The following PODXL variants were observed in gnomAD, a reference collection of about 807,000 sequenced individuals.
The protein encoded by PODXL is podocalyxin.
In PODXL, 20 loss-of-function variants were observed where a neutral mutation model predicts 48.9. That is an observed-to-expected ratio of 0.41 (90% CI 0.29 to 0.59). The LOEUF (loss-of-function observed/expected upper bound fraction) is 0.59. Ranked by LOEUF, PODXL falls within the 20% of genes least tolerant of loss-of-function variation. PODXL has a pLI of 0.31. For missense variants in PODXL, 606 were observed against 675.1 expected, an observed-to-expected ratio of 0.90 and a Z score of 1.13; for synonymous variants, 295 against 287.4, an observed-to-expected ratio of 1.03 and a Z score of -0.27.
At chr7:131,517,526 A>T (rs2116805848) in intron 1 of PODXL, among the ~76,000 whole-genome samples, 1 of 152,304 alleles carries the variant, frequency 6.6e-6, no homozygotes, top group East Asian at 1.9e-4. Flanking sequence ...TGGCTGCGTT[A>T]ACAAATGACT....
intron 1 of PODXL, among the ~76,000 whole-genome samples, chr7:131,527,113 C>T (rs1290405644): frequency 1.3e-5 from 2 of 152,072 alleles, no homozygotes; most frequent in Admixed American, 1.3e-4. Flanking sequence ...TACAAAAATG[C>T]CCTTAAGAGT....
At chr7:131,523,163 T>C (rs1798115380) in intron 1 of PODXL, among the ~76,000 whole-genome samples, 1 of 152,182 alleles carries the variant, frequency 6.6e-6, no homozygotes, top group African/African-American at 2.4e-5. Context: ...TTTTTGTGAA[T>C]CCAATTTTTC....
rs1248685643 is a variant in PODXL at position 131,505,939 on chromosome 7, C to T, written c.1408G>A (p.Ala470Thr). 3 of 1,603,244 alleles carry T rather than the reference C, an allele frequency of 1.9e-6. No individual in the cohort carries two copies. Among genetic ancestry groups the T allele is most frequent in the Non-Finnish European group, 2.6e-6 (3 of 1,175,540 alleles). The change falls in exon 8 of 9, where the codon GCA becomes ACA. Residue 470 changes from alanine (A) to threonine (T), a missense_variant. Coordinates refer to ENST00000378555, the MANE Select transcript of PODXL (RefSeq NM_001018111.3). Reference protein sequence around the residue: ...MPLIITIVCMASFLLLVAALY... With the variant: ...MPLIITIVCMTSFLLLVAALY... ...GCCGCCACGAGGAGCAGGAATGATG[C>T]CATGCAGACGATGGTGATGATGAGG...
intron 5 of PODXL, among the ~76,000 whole-genome samples, chr7:131,508,535 G>A (rs553083031): frequency 4.6e-5 from 7 of 152,152 alleles, no homozygotes; most frequent in South Asian, 2.1e-4. Context: ...GGGATTACAG[G>A]TGTAAGCCAC....
rs201931348 is a variant in PODXL, at chr7:131,539,340, C to CT, written c.100+16919dup. ...ACATATTTTTTAGAATGTATAAGCTCTTTTTTTTGAGACAGGGTCTTGCCC... is the reference window on the plus strand; with the variant it reads ...ACATATTTTTTAGAATGTATAAGCTCTTTTTTTTTGAGACAGGGTCTTGCCC... On this transcript the variant is annotated intron_variant, in intron 1 of 8. Transcript: ENST00000378555. Among the ~76,000 whole-genome samples the CT allele has an allele frequency of 1.0e-3, 155 of 152,014 alleles. 2 individuals are homozygous for CT. In the East Asian group the frequency reaches 0.025, roughly 24 times the overall value.
intron 1 of PODXL, among the ~76,000 whole-genome samples, chr7:131,545,901 A>G (rs2116861975): frequency 6.6e-6 from 1 of 152,376 alleles, no homozygotes; most frequent in East Asian, 1.9e-4. Flanking sequence ...ATAAAAGTAA[A>G]ATAAAAAACC....
chr7:131,506,029 C>A lies in PODXL; in HGVS notation c.1318G>T (p.Val440Phe), dbSNP rs2116777446. The change falls in exon 8 of 9, where the codon GTC (valine) becomes TTC (phenylalanine). Residue 440 changes from valine (V) to phenylalanine (F), a missense_variant. Coordinates refer to ENST00000378555, the MANE Select transcript of PODXL (RefSeq NM_001018111.3). The part of the protein sequence containing the change: ...DKWDELKEAG[V>F]SDMKLGDQGP... ...TGGTCCCCTAGCTTCATGTCACTGA[C>A]CCCTGCCTGCATGGGAAGTGGCAGA... 6.2e-7 allele frequency: 1 copy of A among 1,610,762 alleles called. No individual in the cohort carries two copies. The highest frequency in any genetic ancestry group is 1.1e-5 in the South Asian group (1 of 90,420).
intron 1 of PODXL, among the ~76,000 whole-genome samples, chr7:131,546,950 G>A (rs1798587648): frequency 2.0e-5 from 3 of 152,148 alleles, no homozygotes; most frequent in Admixed American, 6.5e-5. Flanking sequence ...CCTGAGTAAT[G>A]GGGAAGGGCC....
Position 131,504,259 on chromosome 7 carries a change from G to C in PODXL, c.*52C>G, listed in dbSNP as rs1797759814. The stretch of plus-strand genomic sequence containing the variant: ...CCTTCCCCATCCAAACGGCACTTGG[G>C]GTGGTTGGTCTGGAGCTCTGTGGTG... On this transcript the variant is annotated 3_prime_UTR_variant, in exon 9 of 9. Coordinates refer to ENST00000378555, the MANE Select transcript of PODXL (RefSeq NM_001018111.3). 6.7e-7 allele frequency: 1 copy of C among 1,485,664 alleles called. No individual in the cohort carries two copies. The highest frequency in any genetic ancestry group is 9.4e-7 in the Non-Finnish European group (1 of 1,068,346). 92.0% of individuals were successfully genotyped at this position (1,485,664 alleles called of 1,614,324 possible).
At chr7:131,506,984 C>T (rs150571663) in intron 5 of PODXL, 87 of 496,524 alleles carry the variant, frequency 1.8e-4, no homozygotes, top group African/African-American at 1.4e-3. Flanking sequence ...TCTACGCTTG[C>T]ACCTTTCATT....
chr7:131,507,669 G>A (rs3800685), intron 5 of PODXL, among the ~76,000 whole-genome samples: 31,967 of 133,030 alleles, frequency 0.24, 3,732 homozygotes, highest in Admixed American at 0.37. Flanking sequence ...CTAGCAAAGG[G>A]AAAAAAAAAA....
chr7:131,556,285 CGACG>C lies in PODXL; in HGVS notation c.71_74del (p.Pro24ArgfsTer142). On this transcript the variant is annotated frameshift_variant, in exon 1 of 9. Transcript: ENST00000378555. LOFTEE classifies it high-confidence loss of function. ...CATTCTGGGAGGGCGACGGCGACGG[CGACG>C]GCGACGACGGCAGCAGCGGCGGCGT... is the stretch of plus-strand genomic sequence containing the variant. 6.7e-7 allele frequency: 1 copy of C among 1,484,828 alleles called. No homozygotes were observed. Among genetic ancestry groups the C allele is most frequent in the Non-Finnish European group, 8.9e-7 (1 of 1,121,482 alleles). The allele number at this position is 1,484,828 out of a possible 1,614,324, so 92.0% of individuals were successfully genotyped here.
Position 131,524,368 on chromosome 7 carries a change from A to ACACACG in PODXL, c.101-12936_101-12935insCGTGTG, listed in dbSNP as rs1554385084. On this transcript the variant is annotated intron_variant, in intron 1 of 8. Transcript: ENST00000378555. ...AGGAAACACACACACACACGCACAC[A>ACACACG]CACACACACACAGAGAGAGAGAGAG... 6.2e-5 allele frequency among the ~76,000 whole-genome samples: 7 copies of ACACACG among 112,616 alleles called. 1 individual carries two copies. In the East Asian group the frequency reaches 8.6e-4, roughly 14 times the overall value. 73.9% of individuals were successfully genotyped at this position (112,616 alleles called of 152,430 possible).
At chr7:131,520,188 G>T in intron 1 of PODXL, 1 of 304,966 alleles carries the variant, frequency 3.3e-6, no homozygotes, top group South Asian at 3.6e-5. Context: ...TACCATCAAC[G>T]AGGTGGTGAC....
At chr7:131,527,414 A>G (rs966774942) in intron 1 of PODXL, among the ~76,000 whole-genome samples, 9 of 152,262 alleles carry the variant, frequency 5.9e-5, no homozygotes, top group African/African-American at 2.2e-4. Context: ...AAAATTTTAC[A>G]GAGGATTTAA....
At chr7:131,519,025 T>A (rs1431166284) in intron 1 of PODXL, among the ~76,000 whole-genome samples, 1 of 152,184 alleles carries the variant, frequency 6.6e-6, no homozygotes, top group Non-Finnish European at 1.5e-5. Context: ...TGCTGTTCCT[T>A]CTGAGTTCCC....
chr7:131,511,295 G>A lies in PODXL; in HGVS notation c.239C>T (p.Ala80Val), dbSNP rs753163466. Residue 80 changes from alanine (A) to valine (V), a missense_variant, in exon 2 of 9, where the codon GCG (alanine) becomes GTG (valine). Transcript: ENST00000378555. ...KANEILASVK[A>V]TTLGVSSDSP... ...GTCACTGGATACACCAAGGGTGGTC[G>A]CCTTGACCGAGGCCAAGATTTCGTT... 1.2e-5 allele frequency: 20 copies of A among 1,613,890 alleles called. No individual in the cohort carries two copies. In the Admixed American group the frequency reaches 1.5e-4, roughly 12 times the overall value.
chr7:131,524,330 T>C (rs1239997606), intron 1 of PODXL, among the ~76,000 whole-genome samples: 1 of 130,192 alleles, frequency 7.7e-6, no homozygotes, highest in African/African-American at 2.6e-5. Flanking sequence ...CTGTGAGTCC[T>C]ACTGAGTTCA....
chr7:131,518,928 G>A (rs906518952), intron 1 of PODXL, among the ~76,000 whole-genome samples: 4 of 152,078 alleles, frequency 2.6e-5, no homozygotes, highest in Admixed American at 1.3e-4. Context: ...TTCTCTAGAC[G>A]CAGGCAAATA....
Sources: gnomAD v4.1 joint callset for allele counts (sites outside exome capture counted in the v4.1 genomes callset) on GRCh38, gnomAD v4.1.1 for gene constraint, MANE v1.5 for transcripts, NCBI Gene and HGNC (gene_info 2026-07-23, HGNC 2026-07-21) for gene names.